The following ARL6IP4 variants were observed in gnomAD, a reference collection of about 807,000 sequenced individuals.
The protein encoded by ARL6IP4 is ADP-ribosylation factor-like protein 6-interacting protein 4.
In ARL6IP4, 24 loss-of-function variants were observed where a neutral mutation model predicts 28.1. That is an observed-to-expected ratio of 0.86 (90% confidence interval 0.62 to 1.20). ARL6IP4 has a LOEUF of 1.20. Among genes scored for constraint, ARL6IP4 ranks in the 50% most tolerant of loss-of-function variants. The pLI is 0.00. For missense variants in ARL6IP4, 343 were observed against 302.4 expected (o/e 1.13, Z -1.00); for synonymous variants, 162 against 122.3 (o/e 1.32, Z -2.14).
chr12:122,980,702 C>G lies in ARL6IP4; in HGVS notation c.-55C>G. The G allele has an allele frequency of 7.5e-7, 1 of 1,332,912 alleles. No individual in the cohort carries two copies. Among genetic ancestry groups the G allele is most frequent in the Non-Finnish European group, 9.6e-7 (1 of 1,046,558 alleles). The allele number at this position is 1,332,912 out of a possible 1,614,324, so 82.6% of individuals were successfully genotyped here. A position where few individuals can be genotyped will look rare whatever the true frequency, so the allele number is the denominator to read the frequency against. Reference sequence around the variant, plus strand: ...AAGCCTCCTCGCCGCCGCTTCCTCTCGAGAAGGCGCGGGGCGGGCTGTCCG... The same window carrying G: ...AAGCCTCCTCGCCGCCGCTTCCTCTGGAGAAGGCGCGGGGCGGGCTGTCCG... On this transcript the variant is annotated 5_prime_UTR_variant, in exon 1 of 6. Transcript: ENST00000315580.
chr12:122,980,651 A>G, upstream of ARL6IP4: 1 of 1,391,734 alleles, frequency 7.2e-7, no homozygotes, highest in Non-Finnish European at 9.3e-7. Flanking sequence ...CCAGCCGGCC[A>G]GCCTCCCGCG....
rs2037695496 is a variant in ARL6IP4 at position 122,982,009 on chromosome 12, G to A, written c.522G>A (p.Lys174=). Residue 174 remains lysine (K), a synonymous_variant, in exon 4 of 6, where the codon AAG becomes AAA. Transcript: ENST00000315580. ...SRIQAMKPMT[K]EEWDARQSII... is the part of the protein sequence containing the mutation. ...TCCAGGCCATGAAGCCCATGACCAA[G>A]GAGGAGTGGGATGCCCGGCAGAGCA... The A allele has an allele frequency of 6.2e-7, 1 of 1,613,716 alleles. No homozygotes were observed. Among genetic ancestry groups the A allele is most frequent in the Non-Finnish European group, 8.5e-7 (1 of 1,180,038 alleles).
rs1594107045 is a variant in ARL6IP4 at position 122,981,746 on chromosome 12, G to A, written c.336G>A (p.Arg112=). The stretch of plus-strand genomic sequence containing the variant: ...GGGGGAAGTACAAGGACAAGAGGAG[G>A]AAGAAGAAGAAGAAGAGGAAGAAGC... ...KKRGKYKDKR[R]KKKKKRKKLK... Residue 112 remains arginine, a synonymous_variant, in exon 3 of 6, where the codon AGG becomes AGA. Coordinates refer to ENST00000315580, the MANE Select transcript of ARL6IP4 (RefSeq NM_018694.4). 2.0e-6 allele frequency: 3 copies of A among 1,527,128 alleles called. No individual in the cohort carries two copies. The highest frequency in any genetic ancestry group is 2.7e-6 in the Non-Finnish European group (3 of 1,126,732). 94.6% of individuals were successfully genotyped at this position (1,527,128 alleles called of 1,614,324 possible). A position where few individuals can be genotyped will look rare whatever the true frequency, so the allele number is the denominator to read the frequency against.
chr12:122,981,375 CTCAG>C, intron 2 of ARL6IP4, 76 bp downstream of exon 2: 1 of 1,483,156 alleles, frequency 6.7e-7, no homozygotes, highest in Non-Finnish European at 9.0e-7. Flanking sequence ...GTCGGGGACG[CTCAG>C]TCATGCCTCT....
chr12:122,980,978 A>G, intron 1 of ARL6IP4, 151 bp from the exon 2 acceptor site: 1 of 1,380,914 alleles, frequency 7.2e-7, no homozygotes, highest in Non-Finnish European at 9.3e-7. Flanking sequence ...CGGGGTCCCC[A>G]GCGCTGGGGG....
intron 4 of ARL6IP4, 24 bp downstream of exon 4, chr12:122,982,098 A>T (rs1566220194): frequency 1.2e-6 from 2 of 1,606,846 alleles, no homozygotes; most frequent in Non-Finnish European, 8.5e-7. Context: ...GGCCTGACTT[A>T]CACCACAGGA....
At chr12:122,981,338 C>T in intron 2 of ARL6IP4, 39 bp downstream of exon 2, 1 of 1,523,182 alleles carries the variant, frequency 6.6e-7, no homozygotes, top group Non-Finnish European at 8.8e-7. Context: ...GGCGCAGTTA[C>T]TACCCGGGGA....
At position 122,981,130 on chromosome 12, in the gene ARL6IP4, C is replaced by CCG; in HGVS notation, c.-7_-6dup. On this transcript the variant is annotated splice_region_variant and 5_prime_UTR_variant, in exon 2 of 6. Coordinates refer to ENST00000315580, the MANE Select transcript of ARL6IP4 (RefSeq NM_018694.4). ...CAAGCGCGTCTTCTTCGTCGCCAGC[C>CCG]CGCGGCGCCATGGCTCACGTCGGCT... is the stretch of plus-strand genomic sequence containing the variant. 1 of 1,547,816 alleles carries CCG rather than the reference C, an allele frequency of 6.5e-7. No individual in the cohort carries two copies. Among genetic ancestry groups the CCG allele is most frequent in the Non-Finnish European group, 8.7e-7 (1 of 1,145,920 alleles).
Position 122,980,728 on chromosome 12 carries a change from G to T in ARL6IP4, c.-29G>T. The T allele has an allele frequency of 7.6e-7, 1 of 1,322,714 alleles. No homozygotes were observed. The highest frequency in any genetic ancestry group is 2.1e-5 in the South Asian group (1 of 48,570). 81.9% of individuals were successfully genotyped at this position (1,322,714 alleles called of 1,614,324 possible). ...GAGAAGGCGCGGGGCGGGCTGTCCG[G>T]CCCGCAGGGCGGTCGAGGTGGGAAC... On this transcript the variant is annotated 5_prime_UTR_variant, in exon 1 of 6. Coordinates refer to ENST00000315580, the MANE Select transcript of ARL6IP4 (RefSeq NM_018694.4).
chr12:122,980,406 G>A, upstream of ARL6IP4: 2 of 1,369,210 alleles, frequency 1.5e-6, no homozygotes, highest in Non-Finnish European at 1.9e-6. Context: ...GGCAGGACCA[G>A]CCGGGGAGGA....
chr12:122,982,424 G>T, intron 4 of ARL6IP4, 45 bp from the exon 5 acceptor site: 1 of 1,551,052 alleles, frequency 6.4e-7, no homozygotes, highest in Non-Finnish European at 8.8e-7. Context: ...CTGGCATTAG[G>T]GGACCTGCCT....
Position 122,981,690 on chromosome 12 carries a change from T to C in ARL6IP4, c.280T>C (p.Ser94Pro). ...CTCCTCTTCTTCCTCCTCGTCCTCC[T>C]CCTCTTCCTCCAGTGATGGCCGGAA... ...SSSSSSSSSS[S>P]SSSSDGRKKR... The change falls in exon 3 of 6, where the codon TCC becomes CCC. Residue 94 changes from serine to proline, a missense_variant. By Grantham distance (74) the Ser-to-Pro change is moderately conservative. Coordinates refer to ENST00000315580, the MANE Select transcript of ARL6IP4 (RefSeq NM_018694.4). 6.4e-7 allele frequency: 1 copy of C among 1,553,000 alleles called. No homozygotes were observed. Among genetic ancestry groups the C allele is most frequent in the Non-Finnish European group, 8.7e-7 (1 of 1,147,488 alleles).
chr12:122,980,468 G>A, upstream of ARL6IP4: 3 of 1,363,802 alleles, frequency 2.2e-6, no homozygotes, highest in Non-Finnish European at 2.8e-6. Context: ...GGGCGTGGGT[G>A]CTGCGGGCGT....
Position 122,981,821 on chromosome 12 carries a change from G to A in ARL6IP4, c.411G>A (p.Leu137=), listed in dbSNP as rs772783141. The A allele has an allele frequency of 2.5e-6, 4 of 1,607,692 alleles. No homozygotes were observed. The East Asian group carries it at 9.0e-5, about 36-fold the overall frequency. ...CGGAAGCACAGCAGGTGGAGGCTCT[G>A]CCGGGCCCCTCGCTGGACCAGTGGC... The part of the protein sequence containing the change: ...EKAEAQQVEA[L]PGPSLDQWHR... The change falls in exon 3 of 6, where the codon CTG becomes CTA. Residue 137 remains leucine (L), a synonymous_variant. Transcript: ENST00000315580.
In ARL6IP4 at chr12:122,982,636, ACTGC is replaced by A; in HGVS notation, c.678_681del (p.Cys226TrpfsTer?). ...CTTCCCCAGCAAGCCACCCGAGGGG[ACTGC>A]CTGGCCTTCCAGATGCGAGCTGGGT... On this transcript the variant is annotated frameshift_variant, in exon 6 of 6. Coordinates refer to ENST00000315580, the MANE Select transcript of ARL6IP4 (RefSeq NM_018694.4). LOFTEE classifies it high-confidence loss of function. The A allele has an allele frequency of 6.2e-7, 1 of 1,613,972 alleles. No homozygotes were observed.
chr12:122,981,400 G>T, intron 2 of ARL6IP4, 101 bp downstream of exon 2: 1 of 1,440,860 alleles, frequency 6.9e-7, no homozygotes, highest in South Asian at 1.5e-5. Context: ...GTGCAGCCGG[G>T]CCTGAGATGT....
In ARL6IP4 at chr12:122,982,648, T is replaced by G; in HGVS notation, c.686T>G (p.Phe229Cys). 2 of 1,614,012 alleles carry G rather than the reference T, an allele frequency of 1.2e-6. No individual in the cohort carries two copies. Among genetic ancestry groups the G allele is most frequent in the Non-Finnish European group, 8.5e-7 (1 of 1,180,018 alleles). The part of the protein sequence containing the change: ...KQATRGDCLA[F>C]QMRAGLLP ...GCCACCCGAGGGGACTGCCTGGCCT[T>G]CCAGATGCGAGCTGGGTTGCTTCCC... The change falls in exon 6 of 6, where the codon TTC becomes TGC. Residue 229 changes from phenylalanine to cysteine, a missense_variant. Physicochemically the swap from Phe to Cys is radical, Grantham distance 205. Transcript: ENST00000315580.
At chr12:122,982,108 ATCTGGGAG>A (rs2037703051) in intron 4 of ARL6IP4, 34 bp downstream of exon 4, 1 of 1,602,382 alleles carries the variant, frequency 6.2e-7, no homozygotes, top group African/African-American at 1.3e-5. Context: ...ACACCACAGG[ATCTGGGAG>A]TGTTGGCTGA....
In ARL6IP4 at chr12:122,981,295, G is replaced by A. The variant is rs1181457691; in HGVS notation, c.156G>A (p.Ala52=). The A allele has an allele frequency of 2.6e-6, 4 of 1,546,998 alleles. No individual in the cohort carries two copies. The highest frequency in any genetic ancestry group is 3.5e-6 in the Non-Finnish European group (4 of 1,145,124). ...QGRKASTAPG[A]EASPSPCITE... Reference sequence around the variant, plus strand: ...GCAAGGCCAGCACGGCCCCTGGGGCGGAGGGTGAGGACCACAGGCATCGGG... The same window carrying A: ...GCAAGGCCAGCACGGCCCCTGGGGCAGAGGGTGAGGACCACAGGCATCGGG... The change falls in exon 2 of 6, where the codon GCG becomes GCA. Residue 52 remains alanine, a synonymous_variant. Transcript: ENST00000315580.
Sources: gnomAD v4.1 joint callset for allele counts on GRCh38, gnomAD v4.1.1 for gene constraint, MANE v1.5 for transcripts, NCBI Gene and HGNC (gene_info 2026-07-23, HGNC 2026-07-21) for gene names.